The following ZNF275 variants were observed in gnomAD, a reference collection of about 807,000 sequenced individuals.
ZNF275 encodes the protein zinc finger protein 275.
A neutral mutation model predicts 4.3 loss-of-function variants in ZNF275; 4 were observed. The observed-to-expected ratio is 0.93, with a 90% CI of 0.46 to 2.13. The LOEUF (loss-of-function observed/expected upper bound fraction) is 2.13, where lower values mean the gene tolerates loss of function less well. Among genes scored for constraint, ZNF275 ranks in the 30% most tolerant of loss-of-function variants. ZNF275 has a pLI of 0.02. For missense variants in ZNF275, 352 were observed against 397.1 expected (o/e 0.89, Z 0.97); for synonymous variants, 173 against 166.9 (o/e 1.04, Z -0.28).
chrX:153,348,173 G>GT lies in ZNF275; in HGVS notation c.*201dup, dbSNP rs2088533408. ...TGTACCATTTAACTTAGTTTGGCTA[G>GT]TTTAACTGGTAGGAAGTACCATCAA... On this transcript the variant is annotated 3_prime_UTR_variant, in exon 4 of 4. Coordinates refer to ENST00000650114, the MANE Select transcript of ZNF275 (RefSeq NM_001367757.1). 1 of 249,882 alleles carries GT rather than the reference G, an allele frequency of 4.0e-6. No individual in the cohort carries two copies. Among genetic ancestry groups the GT allele is most frequent in the Non-Finnish European group, 6.9e-6 (1 of 144,481 alleles). 20.6% of individuals were successfully genotyped at this position (249,882 alleles called of 1,213,427 possible). A position where few individuals can be genotyped will look rare whatever the true frequency, so the allele number is the denominator to read the frequency against.
At chrX:153,341,737 T>C (rs969895805) in intron 2 of ZNF275, among the ~76,000 whole-genome samples, 7 of 112,678 alleles carry the variant, frequency 6.2e-5, no homozygotes, top group Non-Finnish European at 1.3e-4. Context: ...CAGTTTTGTT[T>C]TTCTTTTAGC....
intron 2 of ZNF275, among the ~76,000 whole-genome samples, chrX:153,337,553 A>T (rs1296746344): frequency 8.9e-6 from 1 of 112,716 alleles, no homozygotes; most frequent in African/African-American, 3.2e-5. Flanking sequence ...TAAAATTTAC[A>T]TTGTGATCTA....
chrX:153,336,734 G>T (rs2088448643), intron 2 of ZNF275, 24 bp downstream of exon 2: 4 of 1,165,551 alleles, frequency 3.4e-6, no homozygotes, highest in Non-Finnish European at 4.6e-6. Flanking sequence ...TTTATGCATG[G>T]TGTCTGCTGG....
intron 2 of ZNF275, 99 bp downstream of exon 2, chrX:153,336,809 G>T (rs1451351488): frequency 1.1e-6 from 1 of 931,617 alleles, no homozygotes. Context: ...GAGGAGTATC[G>T]TTTTGGTTCC....
chrX:153,337,983 T>C lies in ZNF275; in HGVS notation c.31+1273T>C, dbSNP rs181042289. Among the ~76,000 whole-genome samples, 238 of 111,930 alleles carry C rather than the reference T, an allele frequency of 2.1e-3. 1 individual carries two copies. Among genetic ancestry groups the C allele is most frequent in the Non-Finnish European group, 2.8e-3 (150 of 53,147 alleles). On this transcript the variant is annotated intron_variant, in intron 2 of 3. Transcript: ENST00000650114. ...TCACTTCAGGGTCAGCATTACCCTG[T>C]GTGTCCATTGGGTGTGCATTACAAT...
rs781985486 is a variant in ZNF275 at position 153,350,231 on chromosome X, G to A, written c.*2256G>A. On this transcript the variant is annotated 3_prime_UTR_variant, in exon 4 of 4. Coordinates refer to ENST00000650114, the MANE Select transcript of ZNF275 (RefSeq NM_001367757.1). ...ACTTCCTATAGCCACACCTAAGTGA[G>A]GGCAACAGAGCAGAGGCTCGGAGAG... The A allele has an allele frequency of 4.8e-5, 6 of 124,307 alleles. No individual in the cohort carries two copies. The highest frequency in any genetic ancestry group is 7.3e-4 in the South Asian group (2 of 2,730). 10.2% of individuals were successfully genotyped at this position (124,307 alleles called of 1,213,427 possible). A position where few individuals can be genotyped will look rare whatever the true frequency, so the allele number is the denominator to read the frequency against.
intron 2 of ZNF275, among the ~76,000 whole-genome samples, chrX:153,337,299 T>A (rs782721121): frequency 1.7e-3 from 193 of 111,897 alleles, no homozygotes; most frequent in Non-Finnish European, 2.9e-3. Flanking sequence ...TGAACGCTGG[T>A]CTTTAGGCTC....
rs782329967 is a variant in ZNF275 at position 153,347,362 on chromosome X, G to A, written c.677G>A (p.Arg226Gln). ...RSFKVNTHLF[R>Q]HQKLHTSEKP... ...TTCAAAGTCAACACCCACCTCTTCC[G>A]ACATCAGAAACTTCACACTTCGGAA... Residue 226 changes from arginine to glutamine, a missense_variant, in exon 4 of 4, where the codon CGA (arginine) becomes CAA (glutamine). Physicochemically the swap from Arg to Gln is conservative, Grantham distance 43 (BLOSUM62 1). Transcript: ENST00000650114. The A allele has an allele frequency of 9.3e-5, 113 of 1,210,947 alleles. No individual in the cohort carries two copies. Among genetic ancestry groups the A allele is most frequent in the Non-Finnish European group, 1.2e-4 (110 of 895,302 alleles).
rs1556961682 is a variant in ZNF275, at chrX:153,347,134, G to C, written c.449G>C (p.Ser150Thr). 2.5e-6 allele frequency: 3 copies of C among 1,210,590 alleles called. No individual in the cohort carries two copies. Among genetic ancestry groups the C allele is most frequent in the South Asian group, 1.8e-5 (1 of 56,836 alleles). Residue 150 changes from serine (S) to threonine (T), a missense_variant, in exon 4 of 4, where the codon AGC becomes ACC. Ser to Thr is a moderately conservative substitution (Grantham distance 58). Coordinates refer to ENST00000650114, the MANE Select transcript of ZNF275 (RefSeq NM_001367757.1). ...GVAEFNEHRKSHVAAEPQPGP... is the reference protein window; with the variant it reads ...GVAEFNEHRKTHVAAEPQPGP... ...GCGGAGTTTAATGAGCACAGGAAAA[G>C]CCACGTAGCTGCGGAGCCCCAGCCC... is the stretch of plus-strand genomic sequence containing the variant.
Position 153,351,750 on chromosome X carries a change from C to T in ZNF275, c.*3775C>T, listed in dbSNP as rs1453593007. ...TGTCCATTAGCTGTGTCACCCCACT[C>T]TTGCATTTCCAGAATAGTCCCTACC... On this transcript the variant is annotated 3_prime_UTR_variant, in exon 4 of 4. Coordinates refer to ENST00000650114, the MANE Select transcript of ZNF275 (RefSeq NM_001367757.1). 1 of 112,060 alleles carries T rather than the reference C, an allele frequency of 8.9e-6. No individual in the cohort carries two copies. Among genetic ancestry groups the T allele is most frequent in the Non-Finnish European group, 1.9e-5 (1 of 53,253 alleles). 9.2% of individuals were successfully genotyped at this position (112,060 alleles called of 1,213,427 possible).
At chrX:153,346,312 G>T (rs1201998574) in intron 3 of ZNF275, among the ~76,000 whole-genome samples, 1 of 110,000 alleles carries the variant, frequency 9.1e-6, no homozygotes, top group African/African-American at 3.3e-5. Context: ...TGACGGTGAG[G>T]TTAGGGTTGA....
At chrX:153,335,163 C>T (rs1404620310) in intron 1 of ZNF275, among the ~76,000 whole-genome samples, 7 of 108,448 alleles carry the variant, frequency 6.5e-5, no homozygotes, top group Non-Finnish European at 1.2e-4. Flanking sequence ...TGGTCCCTTT[C>T]AAACAACCCC....
At chrX:153,339,969 C>A (rs948376417) in intron 2 of ZNF275, among the ~76,000 whole-genome samples, 9 of 111,933 alleles carry the variant, frequency 8.0e-5, no homozygotes, top group Non-Finnish European at 1.7e-4. Context: ...CCACAATATC[C>A]CCCTCTACAT....
intron 2 of ZNF275, among the ~76,000 whole-genome samples, chrX:153,342,584 T>C (rs1443148272): frequency 1.8e-5 from 2 of 111,948 alleles, no homozygotes; most frequent in East Asian, 5.6e-4. Flanking sequence ...GACAGGTCTT[T>C]TGTAGCTTTG....
rs375648745 is a variant in ZNF275 at position 153,351,509 on chromosome X, C to T, written c.*3534C>T. The T allele has an allele frequency of 1.2e-4, 14 of 112,842 alleles. No homozygotes were observed. The East Asian group carries it at 3.4e-3, about 27-fold the overall frequency. The allele number at this position is 112,842 out of a possible 1,213,427, so 9.3% of individuals were successfully genotyped here. A position where few individuals can be genotyped will look rare whatever the true frequency, so the allele number is the denominator to read the frequency against. On this transcript the variant is annotated 3_prime_UTR_variant, in exon 4 of 4. Transcript: ENST00000650114. ...GTTCATACACATGACAATTGGGTTT[C>T]CACGCACGTGCATGAGATGTTCCTC...
At position 153,349,297 on chromosome X, in the gene ZNF275, T is replaced by C. The variant is rs1299476723; in HGVS notation, c.*1322T>C. 1 of 124,097 alleles carries C rather than the reference T, an allele frequency of 8.1e-6. No individual in the cohort carries two copies. The highest frequency in any genetic ancestry group is 1.9e-5 in the Non-Finnish European group (1 of 53,405). 10.2% of individuals were successfully genotyped at this position (124,097 alleles called of 1,213,427 possible). Reference sequence around the variant, plus strand: ...ACTCAGTGAAGGCCATCTGCTGTCATTGTCATTGTCATAGTTATTGCCGTC... The same window carrying C: ...ACTCAGTGAAGGCCATCTGCTGTCACTGTCATTGTCATAGTTATTGCCGTC... On this transcript the variant is annotated 3_prime_UTR_variant, in exon 4 of 4. Transcript: ENST00000650114.
chrX:153,344,570 C>A, intron 2 of ZNF275: 2 of 359,260 alleles, frequency 5.6e-6, no homozygotes, highest in Non-Finnish European at 1.1e-5. Flanking sequence ...CAACAGACAC[C>A]CACTCCAGAC....
intron 2 of ZNF275, among the ~76,000 whole-genome samples, chrX:153,340,485 A>G (rs1358054203): frequency 8.9e-6 from 1 of 112,743 alleles, no homozygotes; most frequent in Non-Finnish European, 1.9e-5. Flanking sequence ...GCTGCTCCCC[A>G]TTGACTCCTT....
chrX:153,344,254 C>T (rs962336383), intron 2 of ZNF275: 1 of 317,552 alleles, frequency 3.1e-6, no homozygotes, highest in Non-Finnish European at 6.1e-6. Context: ...ATTCTCTCAC[C>T]GCTCCCTGAA....
Sources: allele counts gnomAD v4.1 joint callset (sites outside exome capture counted in the v4.1 genomes callset), GRCh38; gene constraint gnomAD v4.1.1; transcripts MANE v1.5; gene names NCBI Gene and HGNC (gene_info 2026-07-23, HGNC 2026-07-21).